ZCCHC4: variants seen among roughly 807,000 people sequenced by gnomAD.
The protein encoded by ZCCHC4 is zinc finger CCHC-type containing 4, also known as rRNA N(6)-adenosine-methyltransferase ZCCHC4.
A neutral mutation model predicts 67.7 loss-of-function variants in ZCCHC4; 54 were observed. That is an observed-to-expected ratio of 0.80 (90% CI 0.64 to 1.00). The LOEUF is 1.00. Among genes scored for constraint, ZCCHC4 ranks in the 50% least tolerant of loss-of-function variants. ZCCHC4 has a pLI of 0.00. For synonymous variants in ZCCHC4, 198 were observed against 213.5 expected, an observed-to-expected ratio of 0.93 and a Z score of 0.63; for missense variants, 609 against 617.0, an observed-to-expected ratio of 0.99 and a Z score of 0.14.
At chr4:25,323,558 T>C (rs1440398502) in intron 3 of ZCCHC4, among the ~76,000 whole-genome samples, 1 of 152,198 alleles carries the variant, frequency 6.6e-6, no homozygotes, top group Non-Finnish European at 1.5e-5. Flanking sequence ...GACTGTAGAA[T>C]TTAAATCCAG....
In ZCCHC4 at chr4:25,312,937, G is replaced by A. The variant is rs1449441057; in HGVS notation, c.127+1G>A. The A allele has an allele frequency of 6.2e-7, 1 of 1,611,928 alleles. No individual in the cohort carries two copies. ...GTCCCCGCCCCGCTGTGCCCTCACG[G>A]TGGGTCAGAGTCTGGGCTCAGCCTA... On this transcript the variant is annotated splice_donor_variant, in intron 1 of 12. Transcript: ENST00000302874. LOFTEE classifies it high-confidence loss of function.
At position 25,351,584 on chromosome 4, in the gene ZCCHC4, A is replaced by G. The variant is rs1720298566; in HGVS notation, c.911-5A>G. ...TATTATTTTTTCCTTTTTGTGATCCATTAGATGACAGTCACAAAGAACTAC... is the reference window on the plus strand; with the variant it reads ...TATTATTTTTTCCTTTTTGTGATCCGTTAGATGACAGTCACAAAGAACTAC... On this transcript the variant is annotated splice_region_variant and splice_polypyrimidine_tract_variant and intron_variant, in intron 7 of 12. Coordinates refer to ENST00000302874, the MANE Select transcript of ZCCHC4 (RefSeq NM_024936.3). 1.3e-6 allele frequency: 2 copies of G among 1,591,194 alleles called. No individual in the cohort carries two copies. Among genetic ancestry groups the G allele is most frequent in the Non-Finnish European group, 8.6e-7 (1 of 1,165,466 alleles).
intron 3 of ZCCHC4, among the ~76,000 whole-genome samples, chr4:25,315,648 T>C (rs1718218665): frequency 6.6e-6 from 1 of 151,970 alleles, no homozygotes; most frequent in South Asian, 2.1e-4. Flanking sequence ...ACTGCCACCA[T>C]TATGCTGTAA....
At chr4:25,339,084 T>G (rs1218909696) in intron 5 of ZCCHC4, among the ~76,000 whole-genome samples, 2 of 152,184 alleles carry the variant, frequency 1.3e-5, no homozygotes, top group African/African-American at 4.8e-5. Context: ...CCTCATAAGT[T>G]CTTCTCTTTG....
At chr4:25,316,098 C>T (rs910247909) in intron 3 of ZCCHC4, among the ~76,000 whole-genome samples, 1 of 152,148 alleles carries the variant, frequency 6.6e-6, no homozygotes, top group Admixed American at 6.5e-5. Context: ...TTGGGTCTGG[C>T]TTATTTTACT....
In ZCCHC4 at chr4:25,349,497, C is replaced by T; in HGVS notation, c.765C>T (p.Ala255=). 1 of 1,613,626 alleles carries T rather than the reference C, an allele frequency of 6.2e-7. No individual in the cohort carries two copies. Among genetic ancestry groups the T allele is most frequent in the Non-Finnish European group, 8.5e-7 (1 of 1,179,746 alleles). Residue 255 remains alanine (A), a synonymous_variant, in exon 7 of 13, where the codon GCC becomes GCT. Transcript: ENST00000302874. ...TGAATTTTTATTTGTTCCAGACTGCCCTTGAAGTATGCAGAGCATTTTTAC... is the reference window on the plus strand; with the variant it reads ...TGAATTTTTATTTGTTCCAGACTGCTCTTGAAGTATGCAGAGCATTTTTAC... The part of the protein sequence containing the change: ...FNHHFFDGKT[A]LEVCRAFLQE...
chr4:25,313,718 GAA>G (rs1270174153), intron 1 of ZCCHC4, among the ~76,000 whole-genome samples: 3 of 151,944 alleles, frequency 2.0e-5, no homozygotes, highest in Non-Finnish European at 4.4e-5. Context: ...TACAAAAAAA[GAA>G]AAACAGCTGG....
In ZCCHC4 at chr4:25,349,565, C is replaced by A. The variant is rs750594592; in HGVS notation, c.833C>A (p.Pro278Gln). ...GGAATCATTATGGTGACGGATCCTC[C>A]GTTTGGTGGCTTGGTTGAACCTCTG... ...GEGIIMVTDPPFGGLVEPLAI... is the reference protein window; with the variant it reads ...GEGIIMVTDPQFGGLVEPLAI... Residue 278 changes from proline (P) to glutamine (Q), a missense_variant, in exon 7 of 13, where the codon CCG (proline) becomes CAG (glutamine). Pro to Gln is a moderately conservative substitution (Grantham distance 76). Coordinates refer to ENST00000302874, the MANE Select transcript of ZCCHC4 (RefSeq NM_024936.3). The A allele has an allele frequency of 6.8e-6, 11 of 1,613,870 alleles. No individual in the cohort carries two copies. In the African/African-American group the frequency reaches 1.3e-4, roughly 20 times the overall value.
intron 3 of ZCCHC4, among the ~76,000 whole-genome samples, chr4:25,328,413 T>C (rs1719003576): frequency 6.6e-6 from 1 of 152,144 alleles, no homozygotes; most frequent in Non-Finnish European, 1.5e-5. Flanking sequence ...CTAATTTTTG[T>C]ATTTTTCGTA....
intron 7 of ZCCHC4, among the ~76,000 whole-genome samples, chr4:25,351,347 A>G (rs887732432): frequency 6.6e-6 from 1 of 152,176 alleles, no homozygotes; most frequent in African/African-American, 2.4e-5. Context: ...CAATAGTAAT[A>G]TACATATAAG....
At chr4:25,342,623 G>A (rs1719809384) in intron 5 of ZCCHC4, among the ~76,000 whole-genome samples, 1 of 151,892 alleles carries the variant, frequency 6.6e-6, no homozygotes, top group Non-Finnish European at 1.5e-5. Context: ...TTTCACACTT[G>A]GTAACTGACT....
At chr4:25,313,471 G>A (rs1718063775) in intron 1 of ZCCHC4, among the ~76,000 whole-genome samples, 1 of 152,216 alleles carries the variant, frequency 6.6e-6, no homozygotes, top group South Asian at 2.1e-4. Context: ...TCACAACGTA[G>A]ACAGCAACTG....
intron 3 of ZCCHC4, among the ~76,000 whole-genome samples, chr4:25,316,932 A>G (rs1356665418): frequency 1.3e-5 from 2 of 152,222 alleles, no homozygotes; most frequent in Non-Finnish European, 2.9e-5. Flanking sequence ...TTGAAATACT[A>G]AACCAAACTT....
intron 3 of ZCCHC4, among the ~76,000 whole-genome samples, chr4:25,324,218 T>C (rs1718742297): frequency 6.6e-6 from 1 of 151,354 alleles, no homozygotes; most frequent in Non-Finnish European, 1.5e-5. Context: ...GGTTTCACCA[T>C]GTTGGCCAGG....
chr4:25,324,646 G>T (rs1444253233), intron 3 of ZCCHC4, among the ~76,000 whole-genome samples: 1 of 152,208 alleles, frequency 6.6e-6, no homozygotes, highest in African/African-American at 2.4e-5. Flanking sequence ...TTCCAAAGTG[G>T]CTGCACCGTT....
chr4:25,327,378 C>A (rs191618279), intron 3 of ZCCHC4, among the ~76,000 whole-genome samples: 258 of 132,586 alleles, frequency 1.9e-3, no homozygotes, highest in African/African-American at 7.6e-3. Context: ...TTTTGAGAAT[C>A]TCCCTCCCTC....
intron 12 of ZCCHC4, among the ~76,000 whole-genome samples, chr4:25,366,891 G>T (rs1720972759): frequency 6.6e-6 from 1 of 152,002 alleles, no homozygotes; most frequent in African/African-American, 2.4e-5. Flanking sequence ...TATCTTTCAG[G>T]ACTAGATCTT....
intron 5 of ZCCHC4, 37 bp from the exon 6 acceptor site, chr4:25,345,511 C>A: frequency 8.9e-7 from 1 of 1,120,002 alleles, no homozygotes; most frequent in Non-Finnish European, 1.3e-6. Context: ...TACTCTATAG[C>A]TGTGACTGGG....
At chr4:25,344,961 C>T (rs1719935515) in intron 5 of ZCCHC4, among the ~76,000 whole-genome samples, 1 of 152,032 alleles carries the variant, frequency 6.6e-6, no homozygotes, top group South Asian at 2.1e-4. Flanking sequence ...CATCACCACG[C>T]CTGGCTAATT....
Sources: allele counts gnomAD v4.1 joint callset (sites outside exome capture counted in the v4.1 genomes callset), GRCh38; gene constraint gnomAD v4.1.1; transcripts MANE v1.5; gene names NCBI Gene and HGNC (gene_info 2026-07-23, HGNC 2026-07-21).